Variants in ECT2L observed in about 807,000 individuals in gnomAD.
The protein encoded by ECT2L is epithelial cell transforming 2 like, also known as epithelial cell-transforming sequence 2 oncogene-like.
A neutral mutation model predicts 122.8 loss-of-function variants in ECT2L; 126 were observed. That is an observed-to-expected ratio of 1.03 (90% CI 0.89 to 1.19). ECT2L has a LOEUF of 1.19. Ranked by LOEUF, ECT2L falls within the 50% of genes most tolerant of loss-of-function variation. The pLI, the probability that ECT2L is intolerant of heterozygous loss-of-function variation, is 0.00. For synonymous variants in ECT2L, 385 were observed against 381.8 expected, an observed-to-expected ratio of 1.01 and a Z score of -0.10; for missense variants, 1,012 against 1,064.1, an observed-to-expected ratio of 0.95 and a Z score of 0.68.
chr6:138,842,499 C>T lies in ECT2L; in HGVS notation c.343-480C>T, dbSNP rs1326315751. ...AGAAATAAAAATAAAAGTCCGGGTG[C>T]GGTGGTTCACACCTGTAATCCCAGC... On this transcript the variant is annotated intron_variant, in intron 5 of 21. Transcript: ENST00000541398. Among the ~76,000 whole-genome samples the T allele has an allele frequency of 3.3e-5, 5 of 150,196 alleles. No homozygotes were observed. In the East Asian group the frequency reaches 5.9e-4, roughly 18 times the overall value.
At chr6:138,827,550 G>A (rs577231986) in intron 4 of ECT2L, among the ~76,000 whole-genome samples, 2 of 150,442 alleles carry the variant, frequency 1.3e-5, no homozygotes, top group African/African-American at 4.9e-5. Context: ...TATACCCTGG[G>A]TTATTATTTG....
At chr6:138,884,193 C>T (rs1778734070) in intron 16 of ECT2L, among the ~76,000 whole-genome samples, 1 of 152,100 alleles carries the variant, frequency 6.6e-6, no homozygotes, top group African/African-American at 2.4e-5. Flanking sequence ...GATTGAAATC[C>T]ATGAATATTT....
intron 9 of ECT2L, among the ~76,000 whole-genome samples, chr6:138,852,856 C>T (rs1409287846): frequency 6.6e-6 from 1 of 151,996 alleles, no homozygotes; most frequent in African/African-American, 2.4e-5. Flanking sequence ...AAGTTTATCT[C>T]GTGTGGAATG....
In ECT2L at chr6:138,885,690, C is replaced by T. The variant is rs1778797612; in HGVS notation, c.2119C>T (p.Leu707=). The change falls in exon 18 of 22, where the codon CTG becomes TTG. Residue 707 remains leucine (L), a synonymous_variant. Transcript: ENST00000541398. ...TKMLSLPELL[L]YPSRRFEEYL... is the part of the protein sequence containing the mutation. ...CTCATACAGCCTGCCAGAGCTGCTG[C>T]TGTACCCATCCCGAAGATTTGAAGA... is the stretch of plus-strand genomic sequence containing the variant. The T allele has an allele frequency of 5.0e-6, 8 of 1,614,116 alleles. No homozygotes were observed. The African/African-American group carries it at 6.7e-5, about 13-fold the overall frequency.
chr6:138,865,892 C>T (rs1023403966), intron 12 of ECT2L, among the ~76,000 whole-genome samples: 8 of 152,190 alleles, frequency 5.3e-5, no homozygotes. Context: ...CTATCTATGC[C>T]TTTCTTCTTT....
At chr6:138,819,264 G>A (rs915420258) in intron 4 of ECT2L, among the ~76,000 whole-genome samples, 6 of 150,706 alleles carry the variant, frequency 4.0e-5, no homozygotes, top group Non-Finnish European at 5.9e-5. Flanking sequence ...AAATCATTGC[G>A]TTTTAAAAGG....
intron 20 of ECT2L, among the ~76,000 whole-genome samples, chr6:138,890,448 T>C (rs950865366): frequency 6.7e-6 from 1 of 148,220 alleles, no homozygotes; most frequent in Non-Finnish European, 1.5e-5. Flanking sequence ...AATCACACAA[T>C]ATGTCACTTT....
At chr6:138,894,638 G>A (rs1026770284) in intron 20 of ECT2L, among the ~76,000 whole-genome samples, 1 of 152,164 alleles carries the variant, frequency 6.6e-6, no homozygotes, top group African/African-American at 2.4e-5. Context: ...TTCCTGGGCT[G>A]CCTCACCCAT....
intron 1 of ECT2L, among the ~76,000 whole-genome samples, chr6:138,809,331 G>A (rs988205700): frequency 2.6e-5 from 4 of 152,198 alleles, no homozygotes; most frequent in African/African-American, 9.6e-5. Flanking sequence ...GGAGGCCGAG[G>A]CACAGTGGTG....
rs1432972552 is a variant in ECT2L at position 138,873,684 on chromosome 6, C to T, written c.1579-2788C>T. 9.2e-5 allele frequency among the ~76,000 whole-genome samples: 14 copies of T among 152,154 alleles called. 1 individual carries two copies. Among genetic ancestry groups the T allele is most frequent in the Admixed American group, 8.5e-4 (13 of 15,272 alleles). Reference sequence around the variant, plus strand: ...TGGTGGGCGCCTGTAATCCCAGCTACTCGGGAGTCTGAGGCAGGAGAATCC... The same window carrying T: ...TGGTGGGCGCCTGTAATCCCAGCTATTCGGGAGTCTGAGGCAGGAGAATCC... On this transcript the variant is annotated intron_variant, in intron 13 of 21. Transcript: ENST00000541398.
At chr6:138,834,783 AGTT>A (rs1776765098) in intron 4 of ECT2L, among the ~76,000 whole-genome samples, 2 of 152,104 alleles carry the variant, frequency 1.3e-5, no homozygotes, top group African/African-American at 4.8e-5. Flanking sequence ...AGGAAATGAC[AGTT>A]ATTACCTGTG....
At chr6:138,839,616 G>A (rs900001648) in intron 5 of ECT2L, among the ~76,000 whole-genome samples, 5 of 152,030 alleles carry the variant, frequency 3.3e-5, no homozygotes, top group Non-Finnish European at 7.4e-5. Flanking sequence ...CACCCACCTC[G>A]GCCTCCCATA....
At chr6:138,796,481 A>G (rs1775346826) in intron 1 of ECT2L, among the ~76,000 whole-genome samples, 1 of 152,206 alleles carries the variant, frequency 6.6e-6, no homozygotes, top group Admixed American at 6.5e-5. Context: ...GGATCGAAGT[A>G]AAGTTCTTGA....
chr6:138,883,887 G>C (rs1375715450), intron 16 of ECT2L, among the ~76,000 whole-genome samples: 1 of 152,158 alleles, frequency 6.6e-6, no homozygotes, highest in Non-Finnish European at 1.5e-5. Context: ...TTTTGAGACA[G>C]GGTCTCCCTC....
chr6:138,818,674 C>T (rs1319953247), intron 4 of ECT2L, among the ~76,000 whole-genome samples: 2 of 152,140 alleles, frequency 1.3e-5, no homozygotes, highest in East Asian at 1.9e-4. Context: ...AGATTGGGCT[C>T]AACTTCAAAT....
In ECT2L at chr6:138,879,278, T is replaced by C. The variant is rs936163910; in HGVS notation, c.1666-1679T>C. On this transcript the variant is annotated intron_variant, in intron 14 of 21. Coordinates refer to ENST00000541398, the MANE Select transcript of ECT2L (RefSeq NM_001077706.3). ...ATCCTGCCCACCACCCTAAAATTAA[T>C]ATGAGCAGTTCTGACCCTTCCTTGA... 5 of 228,210 alleles carry C rather than the reference T, an allele frequency of 2.2e-5. No individual in the cohort carries two copies. The East Asian group carries it at 6.3e-4, about 29-fold the overall frequency. The allele number at this position is 228,210 out of a possible 1,614,324, so 14.1% of individuals were successfully genotyped here. A position where few individuals can be genotyped will look rare whatever the true frequency, so the allele number is the denominator to read the frequency against.
At chr6:138,831,030 C>T (rs1047682613) in intron 4 of ECT2L, among the ~76,000 whole-genome samples, 3 of 152,306 alleles carry the variant, frequency 2.0e-5, no homozygotes, top group Non-Finnish European at 2.9e-5. Flanking sequence ...ATACAATCGT[C>T]GTAAGCACAA....
intron 11 of ECT2L, among the ~76,000 whole-genome samples, chr6:138,864,699 G>C (rs1320015269): frequency 6.6e-6 from 1 of 152,178 alleles, no homozygotes; most frequent in Admixed American, 6.5e-5. Flanking sequence ...TCAGATGACA[G>C]CTCAGCTTCC....
intron 13 of ECT2L, among the ~76,000 whole-genome samples, chr6:138,873,544 G>C (rs111938181): frequency 4.6e-5 from 7 of 152,150 alleles, no homozygotes; most frequent in African/African-American, 2.4e-5. Context: ...CTGTAATCCC[G>C]GCACTTTGGG....
Sources: gnomAD v4.1 joint callset for allele counts (sites outside exome capture counted in the v4.1 genomes callset) on GRCh38, gnomAD v4.1.1 for gene constraint, MANE v1.5 for transcripts, NCBI Gene and HGNC (gene_info 2026-07-23, HGNC 2026-07-21) for gene names.